The following RTN4RL1 variants were observed in gnomAD, a reference collection of about 807,000 sequenced individuals.
RTN4RL1 encodes reticulon 4 receptor like 1, also known as reticulon-4 receptor-like 1.
A neutral mutation model predicts 25.6 loss-of-function variants in RTN4RL1; 7 were observed. The observed-to-expected ratio is 0.27, with a 90% CI of 0.16 to 0.51. The LOEUF is 0.51. Among genes scored for constraint, RTN4RL1 ranks in the 20% least tolerant of loss-of-function variants. RTN4RL1 has a pLI of 0.97. For missense variants in RTN4RL1, 500 were observed against 615.6 expected (o/e 0.81, Z 1.99); for synonymous variants, 297 against 288.2 (o/e 1.03, Z -0.31).
At chr17:1,964,163 T>C (rs575217142) in intron 1 of RTN4RL1, among the ~76,000 whole-genome samples, 15 of 152,300 alleles carry the variant, frequency 9.8e-5, no homozygotes, top group African/African-American at 3.6e-4. Context: ...CACACGTGGC[T>C]TCCAAAAACT....
intron 1 of RTN4RL1, among the ~76,000 whole-genome samples, chr17:1,940,360 T>C (rs1229266025): frequency 6.6e-6 from 1 of 152,184 alleles, no homozygotes; most frequent in East Asian, 1.9e-4. Context: ...CTGTGCTCTC[T>C]GCAGTGACTT....
chr17:2,019,470 A>T (rs2067171836), intron 1 of RTN4RL1: 3 of 152,204 alleles, frequency 2.0e-5, no homozygotes, highest in Admixed American at 6.5e-5. Context: ...CATCCCAAAG[A>T]CACGGCCAGA....
chr17:1,943,396 G>A (rs76873546), intron 1 of RTN4RL1, among the ~76,000 whole-genome samples: 60,923 of 152,106 alleles, frequency 0.4, 13,061 homozygotes, highest in Middle Eastern at 0.53. Flanking sequence ...TGCCAGCACC[G>A]AAGGGACTGC....
intron 1 of RTN4RL1, among the ~76,000 whole-genome samples, chr17:1,970,089 T>G (rs1287261499): frequency 6.7e-6 from 1 of 150,312 alleles, no homozygotes; most frequent in East Asian, 2.0e-4. Context: ...TGGCGCAATC[T>G]CAATTCACTG....
In RTN4RL1 at chr17:1,959,651, A is replaced by G. The variant is rs552045652; in HGVS notation, c.14-21843T>C. On this transcript the variant is annotated intron_variant, in intron 1 of 1. Transcript: ENST00000331238. Reference sequence around the variant, plus strand: ...ACGATCTCGGCTCACTGCAACCTCCACCTCCCATGTTCAAACGATTCTCAC... The same window carrying G: ...ACGATCTCGGCTCACTGCAACCTCCGCCTCCCATGTTCAAACGATTCTCAC... 7.7e-4 allele frequency among the ~76,000 whole-genome samples: 117 copies of G among 151,926 alleles called. 2 individuals carry two copies. In the South Asian group the frequency reaches 0.024, roughly 31 times the overall value.
intron 1 of RTN4RL1, among the ~76,000 whole-genome samples, chr17:1,964,801 T>TC (rs2066782361): frequency 3.4e-5 from 5 of 147,818 alleles, no homozygotes; most frequent in African/African-American, 4.9e-5. Flanking sequence ...TTTTTTTTTT[T>TC]TTTTTGAGAT....
chr17:1,957,713 G>A (rs1445171323), intron 1 of RTN4RL1, among the ~76,000 whole-genome samples: 1 of 151,940 alleles, frequency 6.6e-6, no homozygotes, highest in Non-Finnish European at 1.5e-5. Flanking sequence ...TGTTGGTGGC[G>A]GGCACCTGTA....
At chr17:2,022,403 C>T (rs554913375) in intron 1 of RTN4RL1, among the ~76,000 whole-genome samples, 8 of 152,280 alleles carry the variant, frequency 5.3e-5, no homozygotes, top group Admixed American at 5.2e-4. Context: ...CCTCCTACCT[C>T]GGCCTCCCAA....
At position 2,008,099 on chromosome 17, in the gene RTN4RL1, G is replaced by A. The variant is rs560505552; in HGVS notation, c.13+16754C>T. Among the ~76,000 whole-genome samples the A allele has an allele frequency of 4.0e-5, 6 of 151,784 alleles. No individual in the cohort carries two copies. The South Asian group carries it at 6.2e-4, about 16-fold the overall frequency. On this transcript the variant is annotated intron_variant, in intron 1 of 1. Coordinates refer to ENST00000331238, the MANE Select transcript of RTN4RL1 (RefSeq NM_178568.4). Reference sequence around the variant, plus strand: ...ACCAGCCTTGACATGGAGAAACCCCGTCTCTACTAAAAATACAAAATTATC... The same window carrying A: ...ACCAGCCTTGACATGGAGAAACCCCATCTCTACTAAAAATACAAAATTATC...
intron 1 of RTN4RL1, among the ~76,000 whole-genome samples, chr17:1,938,727 C>T (rs922717195): frequency 2.0e-5 from 3 of 152,078 alleles, no homozygotes; most frequent in Non-Finnish European, 4.4e-5. Flanking sequence ...CGGGCAACAC[C>T]CCTTCTAAGC....
chr17:1,970,559 G>T, intron 1 of RTN4RL1, among the ~76,000 whole-genome samples: 1 of 152,202 alleles, frequency 6.6e-6, no homozygotes, highest in East Asian at 1.9e-4. Flanking sequence ...TGGCAGGAGG[G>T]ATGGGGGCCA....
intron 1 of RTN4RL1, among the ~76,000 whole-genome samples, chr17:1,981,558 A>G (rs1597225489): frequency 6.6e-6 from 1 of 151,892 alleles, no homozygotes. Context: ...TCCCTCCCTC[A>G]TGCCCTGTGG....
chr17:1,941,919 C>T (rs1915446596), intron 1 of RTN4RL1, among the ~76,000 whole-genome samples: 1 of 152,216 alleles, frequency 6.6e-6, no homozygotes, highest in African/African-American at 2.4e-5. Context: ...TCTCATGCCC[C>T]TCCATGCAGC....
intron 1 of RTN4RL1, among the ~76,000 whole-genome samples, chr17:1,957,890 T>G: frequency 9.1e-6 from 1 of 110,306 alleles, no homozygotes; most frequent in African/African-American, 3.1e-5. Context: ...ACAAACAAAG[T>G]GAGATGGTGG....
chr17:1,947,388 A>T (rs1490632900), intron 1 of RTN4RL1, among the ~76,000 whole-genome samples: 1 of 152,194 alleles, frequency 6.6e-6, no homozygotes, highest in East Asian at 1.9e-4. Flanking sequence ...TTCACCCTGC[A>T]GCGTGCCTCG....
rs542339526 is a variant in RTN4RL1 at position 1,937,533 on chromosome 17, C to T, written c.289G>A (p.Glu97Lys). ...AGCTCCTCCAGGTGCACGAAGCCCT[C>T]GAAGGTGCTGGGGTGGATGTAGGTG... ...NITYIHPSTF[E>K]GFVHLEELDL... The change falls in exon 2 of 2, where the codon GAG becomes AAG. Residue 97 changes from glutamate to lysine, a missense_variant. Around this residue, in one of 2 missense-constraint regions of RTN4RL1, gnomAD observed 232 missense variants for 341.1 expected, o/e 0.68. Coordinates refer to ENST00000331238, the MANE Select transcript of RTN4RL1 (RefSeq NM_178568.4). 7 of 1,613,974 alleles carry T rather than the reference C, an allele frequency of 4.3e-6. No individual in the cohort carries two copies. Among genetic ancestry groups the T allele is most frequent in the Admixed American group, 1.7e-5 (1 of 60,020 alleles).
chr17:1,942,054 C>T (rs1915448801), intron 1 of RTN4RL1, among the ~76,000 whole-genome samples: 1 of 152,172 alleles, frequency 6.6e-6, no homozygotes. Flanking sequence ...CCCTGCACCC[C>T]TCCCACCAGC....
rs2066937903 is a variant in RTN4RL1 at position 1,998,088 on chromosome 17, T to C, written c.13+26765A>G. Among the ~76,000 whole-genome samples, 1 of 151,550 alleles carries C rather than the reference T, an allele frequency of 6.6e-6. No homozygotes were observed. Among genetic ancestry groups the C allele is most frequent in the South Asian group, 2.1e-4 (1 of 4,794 alleles). ...TCGATCCCGGCCTCTCCCGGCCTCA[T>C]TACCGAGGGAGAGCTGCCGGGGCTG... On this transcript the variant is annotated intron_variant, in intron 1 of 1. Coordinates refer to ENST00000331238, the MANE Select transcript of RTN4RL1 (RefSeq NM_178568.4). This position sits in a 1 kb window ranked among gnomAD's most constrained non-coding sequence, Gnocchi z 4.9.
chr17:1,998,861 C>A lies in RTN4RL1; in HGVS notation c.13+25992G>T, dbSNP rs9907315. On this transcript the variant is annotated intron_variant, in intron 1 of 1. Transcript: ENST00000331238. The surrounding 1 kb of genome is among the most constrained non-coding windows in gnomAD (Gnocchi z 4.9). ...GACGCACTTTCCCGGCAGCCGAAGA[C>A]GACCCCGGAGCCCCTTTATTCTCTA... Among the ~76,000 whole-genome samples, 152,003 of 152,162 alleles carry A rather than the reference C, an allele frequency of 1. 75,923 individuals carry two copies. The highest frequency in any genetic ancestry group is 1 in the Middle Eastern group (294 of 294).
Sources: gnomAD v4.1 joint callset for allele counts (sites outside exome capture counted in the v4.1 genomes callset) on GRCh38, gnomAD v4.1.1 for gene constraint, gnomAD v4.1.1 regional missense constraint, Gnocchi (gnomAD v3.1) non-coding constraint, MANE v1.5 for transcripts, NCBI Gene and HGNC (gene_info 2026-07-23, HGNC 2026-07-21) for gene names.